The following PKHD1 variants were observed in gnomAD, a reference collection of about 807,000 sequenced individuals.
PKHD1 encodes the protein fibrocystin.
In PKHD1, 291 loss-of-function variants were observed where a neutral mutation model predicts 412.0. That is an observed-to-expected ratio of 0.71 (90% confidence interval 0.64 to 0.78). The LOEUF (loss-of-function observed/expected upper bound fraction) is 0.78, where lower values mean the gene tolerates loss of function less well. Ranked by LOEUF, PKHD1 falls within the 30% of genes least tolerant of loss-of-function variation. PKHD1 has a pLI of 0.00. For synonymous variants in PKHD1, 1,777 were observed against 1,821.5 expected, an observed-to-expected ratio of 0.98 and a Z score of 0.62; for missense variants, 4,825 against 4,950.7, an observed-to-expected ratio of 0.97 and a Z score of 0.76.
At chr6:51,731,441 C>G (rs1415891938) in intron 60 of PKHD1, among the ~76,000 whole-genome samples, 1 of 152,128 alleles carries the variant, frequency 6.6e-6, no homozygotes. Context: ...TAGTAAAATT[C>G]TCAGTCTCAG....
intron 35 of PKHD1, among the ~76,000 whole-genome samples, chr6:52,005,158 G>A (rs2128106001): frequency 6.6e-6 from 1 of 152,238 alleles, no homozygotes; most frequent in East Asian, 1.9e-4. Flanking sequence ...CTTGACTATT[G>A]AGTGTGTTGC....
chr6:51,930,497 C>T (rs1735556919), intron 37 of PKHD1, among the ~76,000 whole-genome samples: 1 of 152,176 alleles, frequency 6.6e-6, no homozygotes, highest in Non-Finnish European at 1.5e-5. Context: ...GACAGCTGAA[C>T]ACCAAAGCCT....
chr6:51,927,422 T>C (rs913569204), intron 37 of PKHD1, among the ~76,000 whole-genome samples: 3 of 152,190 alleles, frequency 2.0e-5, no homozygotes, highest in Admixed American at 1.3e-4. Context: ...TCTGCCACTT[T>C]TGCCATCCCT....
intron 50 of PKHD1, among the ~76,000 whole-genome samples, chr6:51,843,106 G>A (rs529723474): frequency 5.9e-5 from 9 of 152,310 alleles, no homozygotes; most frequent in Non-Finnish European, 1.2e-4. Context: ...GAAGGGTGGC[G>A]GCTGGGATGC....
chr6:51,939,182 T>C (rs759345577), intron 36 of PKHD1, among the ~76,000 whole-genome samples: 1 of 151,008 alleles, frequency 6.6e-6, no homozygotes, highest in Non-Finnish European at 1.5e-5. Flanking sequence ...CTTCTCTCCA[T>C]GTCTCTACCC....
At chr6:51,958,814 TACAC>T (rs112637668) in intron 36 of PKHD1, among the ~76,000 whole-genome samples, 23 of 149,538 alleles carry the variant, frequency 1.5e-4, no homozygotes, top group African/African-American at 1.5e-4. Flanking sequence ...AGCCACTAGC[TACAC>T]ACACACACAC....
chr6:52,005,330 T>C (rs1798916135), intron 35 of PKHD1, among the ~76,000 whole-genome samples: 1 of 152,212 alleles, frequency 6.6e-6, no homozygotes, highest in South Asian at 2.1e-4. Context: ...GGGGATTACT[T>C]GTCACCTGCT....
chr6:51,994,426 C>T (rs1298648701), intron 35 of PKHD1, among the ~76,000 whole-genome samples: 1 of 152,238 alleles, frequency 6.6e-6, no homozygotes, highest in Admixed American at 6.5e-5. Flanking sequence ...TGAGCCACCA[C>T]GCCCAGCCCA....
intron 35 of PKHD1, among the ~76,000 whole-genome samples, chr6:51,997,582 T>C (rs1261998814): frequency 6.6e-6 from 1 of 152,232 alleles, no homozygotes; most frequent in South Asian, 2.1e-4. Context: ...TTCCAGTGTG[T>C]TTCTTAGAAG....
intron 55 of PKHD1, among the ~76,000 whole-genome samples, chr6:51,771,923 T>C (rs761007196): frequency 1.3e-5 from 2 of 152,130 alleles, no homozygotes; most frequent in Non-Finnish European, 2.9e-5. Flanking sequence ...AGCTTGATGT[T>C]CCTTTCCTTT....
rs752788321 is a variant in PKHD1, at chr6:51,909,307, G to C, written c.6658C>G (p.Leu2220Val). Residue 2220 changes from leucine (L) to valine (V), a missense_variant, in exon 40 of 67, where the codon CTC becomes GTC. Coordinates refer to ENST00000371117, the MANE Select transcript of PKHD1 (RefSeq NM_138694.4). ...GQAFHKHLSS[L>V]TLVGAMRESF... ...CCTCTCATAGCTCCCACCAGAGTGA[G>C]TGAGCTCAGATGCTTATGGAAGGCT... 1.2e-5 allele frequency: 19 copies of C among 1,613,454 alleles called. No homozygotes were observed. Among genetic ancestry groups the C allele is most frequent in the African/African-American group, 1.3e-5 (1 of 75,002 alleles).
At chr6:52,038,989 G>A (rs1025633988) in intron 27 of PKHD1, among the ~76,000 whole-genome samples, 1 of 152,144 alleles carries the variant, frequency 6.6e-6, no homozygotes, top group African/African-American at 2.4e-5. Flanking sequence ...TTATTTATCT[G>A]ATAAGTGATT....
At chr6:51,664,368 G>A (rs985411121) in intron 60 of PKHD1, among the ~76,000 whole-genome samples, 3 of 152,210 alleles carry the variant, frequency 2.0e-5, no homozygotes, top group Non-Finnish European at 4.4e-5. Flanking sequence ...GTGCAGGGTT[G>A]GAGCCCGAGA....
Position 52,050,077 on chromosome 6 carries a change from G to GA in PKHD1, c.2279+79dup, listed in dbSNP as rs1308468420. ...AGCAACAAGACAGGTAGCTTTTCCT[G>GA]AAAAAAGTCACACCTGTGTCCCTCA... On this transcript the variant is annotated intron_variant, in intron 22 of 66. Coordinates refer to ENST00000371117, the MANE Select transcript of PKHD1 (RefSeq NM_138694.4). The GA allele has an allele frequency of 7.8e-6, 11 of 1,419,198 alleles. No homozygotes were observed. The African/African-American group carries it at 8.4e-5, about 11-fold the overall frequency. The allele number at this position is 1,419,198 out of a possible 1,614,324, so 87.9% of individuals were successfully genotyped here. A position where few individuals can be genotyped will look rare whatever the true frequency, so the allele number is the denominator to read the frequency against.
chr6:51,721,887 A>G (rs1781966821), intron 60 of PKHD1: 1 of 1,594,056 alleles, frequency 6.3e-7, no homozygotes, highest in African/African-American at 1.3e-5. Flanking sequence ...CAGTGTCTTA[A>G]CAAGTCTTTC....
rs368847653 is a variant in PKHD1, at chr6:51,666,085, T to C, written c.10157-6116A>G. Among the ~76,000 whole-genome samples, 3 of 152,126 alleles carry C rather than the reference T, an allele frequency of 2.0e-5. 1 individual carries two copies. Among genetic ancestry groups the C allele is most frequent in the South Asian group, 4.1e-4 (2 of 4,830 alleles). ...GTCAAATGTTTGTGGACTGAGAAGATGGTATAAAACAGTCATTGTGAAAGA... is the reference window on the plus strand; with the variant it reads ...GTCAAATGTTTGTGGACTGAGAAGACGGTATAAAACAGTCATTGTGAAAGA... On this transcript the variant is annotated intron_variant, in intron 60 of 66. Coordinates refer to ENST00000371117, the MANE Select transcript of PKHD1 (RefSeq NM_138694.4).
At chr6:52,072,617 T>A (rs1219509132) in intron 7 of PKHD1, among the ~76,000 whole-genome samples, 1 of 152,120 alleles carries the variant, frequency 6.6e-6, no homozygotes, top group African/African-American at 2.4e-5. Context: ...TCTTGTAAGG[T>A]AAGTTGACCA....
chr6:51,926,522 G>C (rs1442794409), intron 37 of PKHD1, among the ~76,000 whole-genome samples: 1 of 152,170 alleles, frequency 6.6e-6, no homozygotes, highest in Non-Finnish European at 1.5e-5. Context: ...GTGTTTCTAA[G>C]TGGGGTTCCT....
At position 51,904,056 on chromosome 6, in the gene PKHD1, A is replaced by G; in HGVS notation, c.6809-14T>C. ...CCGTGCATGTCCCTGAGAACAAAAG[A>G]CCCCATTACTTGAGTATATTTTATG... On this transcript the variant is annotated splice_polypyrimidine_tract_variant and intron_variant, in intron 41 of 66. Coordinates refer to ENST00000371117, the MANE Select transcript of PKHD1 (RefSeq NM_138694.4). The G allele has an allele frequency of 6.4e-7, 1 of 1,558,146 alleles. No individual in the cohort carries two copies. The highest frequency in any genetic ancestry group is 8.9e-7 in the Non-Finnish European group (1 of 1,129,426).
Sources: allele counts gnomAD v4.1 joint callset (sites outside exome capture counted in the v4.1 genomes callset), GRCh38; gene constraint gnomAD v4.1.1; transcripts MANE v1.5; gene names NCBI Gene and HGNC (gene_info 2026-07-23, HGNC 2026-07-21).